Variants in VRK1 observed in about 807,000 individuals in gnomAD.
VRK1 encodes the protein VRK serine/threonine kinase 1.
Under a neutral mutation model 57.1 loss-of-function variants are expected in VRK1, and 33 were observed. The observed-to-expected ratio is 0.58, with a 90% CI of 0.44 to 0.77. The LOEUF (loss-of-function observed/expected upper bound fraction) is 0.77, where lower values mean the gene tolerates loss of function less well. Among genes scored for constraint, VRK1 ranks in the 30% least tolerant of loss-of-function variants. The pLI is 0.00. For missense variants in VRK1, 413 were observed against 477.3 expected (o/e 0.87, Z 1.25); for synonymous variants, 137 against 147.8 (o/e 0.93, Z 0.53).
intron 12 of VRK1, 105 bp from the exon 13 acceptor site, chr14:96,881,072 G>A (rs760287509): frequency 1.1e-6 from 1 of 896,988 alleles, no homozygotes; most frequent in African/African-American, 1.7e-5. Flanking sequence ...GAGTCGATTT[G>A]ATTTTAAAAT....
chr14:96,808,188 T>C (rs183187491), intron 1 of VRK1, among the ~76,000 whole-genome samples: 82 of 152,126 alleles, frequency 5.4e-4, no homozygotes, highest in Non-Finnish European at 8.7e-4. Context: ...AATAGGAGTA[T>C]CTTGTAATGC....
At chr14:96,854,865 G>A (rs528186913) in intron 7 of VRK1, among the ~76,000 whole-genome samples, 3 of 152,074 alleles carry the variant, frequency 2.0e-5, no homozygotes, top group African/African-American at 7.2e-5. Flanking sequence ...AAGTATTGAC[G>A]GTTTGCTCTG....
At chr14:96,851,140 A>T (rs1344690195) in intron 5 of VRK1, among the ~76,000 whole-genome samples, 7 of 145,736 alleles carry the variant, frequency 4.8e-5, no homozygotes, top group South Asian at 4.4e-4. Flanking sequence ...TTTGTCACAA[A>T]TTTTTTTTTT....
intron 1 of VRK1, among the ~76,000 whole-genome samples, chr14:96,813,574 A>AATACTTATTTAC (rs1234842572): frequency 4.6e-5 from 7 of 152,166 alleles, no homozygotes; most frequent in Non-Finnish European, 1.0e-4. Flanking sequence ...TACATCAGTG[A>AATACTTATTTAC]TTTATTTCAT....
intron 5 of VRK1, among the ~76,000 whole-genome samples, chr14:96,848,667 TA>T (rs1437924970): frequency 2.0e-5 from 3 of 152,206 alleles, no homozygotes; most frequent in African/African-American, 4.8e-5. Flanking sequence ...TTAAGTTAGT[TA>T]AGAGCAAGGA....
intron 10 of VRK1, among the ~76,000 whole-genome samples, chr14:96,859,668 T>C (rs1888305624): frequency 6.6e-6 from 1 of 152,110 alleles, no homozygotes; most frequent in Non-Finnish European, 1.5e-5. Context: ...CGCTTGTGTG[T>C]GTGTGTGTAG....
intron 11 of VRK1, among the ~76,000 whole-genome samples, chr14:96,875,049 T>C (rs1030589033): frequency 1.3e-5 from 2 of 152,224 alleles, no homozygotes; most frequent in African/African-American, 2.4e-5. Context: ...TACAGACTTA[T>C]TTTAGGCAAC....
At chr14:96,834,669 A>G (rs79479223) in intron 2 of VRK1, among the ~76,000 whole-genome samples, 12,667 of 152,126 alleles carry the variant, frequency 0.083, 687 homozygotes, top group Non-Finnish European at 0.13. Context: ...GCTTTATCAT[A>G]TTTTATGCAT....
intron 1 of VRK1, among the ~76,000 whole-genome samples, chr14:96,820,379 G>A (rs1886554228): frequency 6.6e-6 from 1 of 152,096 alleles, no homozygotes; most frequent in Non-Finnish European, 1.5e-5. Flanking sequence ...GATCAGCATC[G>A]ATGATTGCTC....
intron 10 of VRK1, 48 bp downstream of exon 10, chr14:96,856,634 A>G (rs1368591380): frequency 1.0e-5 from 15 of 1,494,460 alleles, no homozygotes; most frequent in Non-Finnish European, 1.4e-5. Flanking sequence ...TTTTCTGGGG[A>G]TAAAAAGGCA....
chr14:96,857,885 T>G (rs148443210), intron 10 of VRK1, among the ~76,000 whole-genome samples: 69 of 152,308 alleles, frequency 4.5e-4, no homozygotes, highest in Middle Eastern at 6.8e-3. Context: ...GTCACTTACC[T>G]TAATTTCCAA....
In VRK1 at chr14:96,821,655, A is replaced by G. The variant is rs971823595; in HGVS notation, c.-5-11812A>G. Among the ~76,000 whole-genome samples the G allele has an allele frequency of 6.6e-4, 101 of 152,326 alleles. 1 individual carries two copies. Among genetic ancestry groups the G allele is most frequent in the African/African-American group, 2.4e-3 (100 of 41,576 alleles). ...ACAGTCTATTCTTGATGCGTCAACC[A>G]GAGTGATCCATTCAAAGTGCAAGTC... On this transcript the variant is annotated intron_variant, in intron 1 of 12. Transcript: ENST00000216639.
chr14:96,865,858 T>C (rs185009934), intron 11 of VRK1, among the ~76,000 whole-genome samples: 1 of 152,176 alleles, frequency 6.6e-6, no homozygotes, highest in East Asian at 1.9e-4. Context: ...ATTCCTAATA[T>C]ATATAAGTTC....
At chr14:96,875,950 A>G (rs1889011591) in intron 11 of VRK1, 80 bp from the exon 12 acceptor site, 4 of 1,457,192 alleles carry the variant, frequency 2.7e-6, no homozygotes, top group Non-Finnish European at 2.9e-6. Flanking sequence ...TTATACACAC[A>G]CACAGACAAA....
chr14:96,830,894 G>T (rs539684168), intron 1 of VRK1, among the ~76,000 whole-genome samples: 73 of 152,160 alleles, frequency 4.8e-4, no homozygotes, highest in Non-Finnish European at 9.1e-4. Context: ...TATTATCCTT[G>T]TGATGTTCAC....
intron 11 of VRK1, among the ~76,000 whole-genome samples, chr14:96,862,845 G>T (rs756076658): frequency 6.6e-6 from 1 of 151,848 alleles, no homozygotes. Context: ...CTCTCTTTTC[G>T]TTTGTCATAA....
At chr14:96,877,365 T>C (rs1174212687) in intron 12 of VRK1, 1 of 466,870 alleles carries the variant, frequency 2.1e-6, no homozygotes, top group Admixed American at 3.1e-5. Flanking sequence ...ATACTTGAGA[T>C]ACCTGAAGAG....
intron 11 of VRK1, among the ~76,000 whole-genome samples, chr14:96,872,327 G>T (rs538324345): frequency 6.6e-6 from 1 of 152,258 alleles, no homozygotes; most frequent in South Asian, 2.1e-4. Flanking sequence ...TACAAGAATA[G>T]TTCAATAGTT....
Position 96,810,517 on chromosome 14 carries a change from C to CT in VRK1, c.-6+13076dup, listed in dbSNP as rs553643199. Reference sequence around the variant, plus strand: ...GAGGTAGGGATCAAGCCTTCTTTTACTTTTTTCATATGGTTATCTATACAA... The same window carrying CT: ...GAGGTAGGGATCAAGCCTTCTTTTACTTTTTTTCATATGGTTATCTATACAA... On this transcript the variant is annotated intron_variant, in intron 1 of 12. Coordinates refer to ENST00000216639, the MANE Select transcript of VRK1 (RefSeq NM_003384.3). Among the ~76,000 whole-genome samples the CT allele has an allele frequency of 9.9e-4, 150 of 152,264 alleles. 1 individual carries two copies. The highest frequency in any genetic ancestry group is 9.2e-3 in the Admixed American group (140 of 15,292).
Sources: allele counts gnomAD v4.1 joint callset (sites outside exome capture counted in the v4.1 genomes callset), GRCh38; gene constraint gnomAD v4.1.1; transcripts MANE v1.5; gene names NCBI Gene and HGNC (gene_info 2026-07-23, HGNC 2026-07-21).